The following AUTS2 variants were observed in gnomAD, a reference collection of about 807,000 sequenced individuals.
AUTS2 encodes activator of transcription and developmental regulator AUTS2.
A neutral mutation model predicts 112.4 loss-of-function variants in AUTS2; 17 were observed. The ratio of observed to expected loss-of-function variants is 0.15; its 90% CI spans 0.10 to 0.23. AUTS2 has a LOEUF of 0.23. Among genes scored for constraint, AUTS2 ranks in the 10% least tolerant of loss-of-function variants. AUTS2 has a pLI of 1.00. For synonymous variants in AUTS2, 751 were observed against 702.7 expected, an observed-to-expected ratio of 1.07 and a Z score of -1.09; for missense variants, 1,510 against 1,701.6, an observed-to-expected ratio of 0.89 and a Z score of 1.98.
At chr7:70,053,361 T>C (rs957694721) in intron 2 of AUTS2, among the ~76,000 whole-genome samples, 17 of 152,094 alleles carry the variant, frequency 1.1e-4, no homozygotes, top group African/African-American at 3.6e-4. Context: ...GAATTTTCCA[T>C]CTAAATTTAA....
chr7:70,575,053 G>A (rs542785901), intron 5 of AUTS2, among the ~76,000 whole-genome samples: 8 of 152,286 alleles, frequency 5.3e-5, no homozygotes, highest in Admixed American at 2.0e-4. Context: ...CGTTCCGCTC[G>A]GTTGCATAAC....
intron 2 of AUTS2, among the ~76,000 whole-genome samples, chr7:70,097,420 T>A (rs1804262934): frequency 6.6e-6 from 1 of 152,248 alleles, no homozygotes; most frequent in South Asian, 2.1e-4. Flanking sequence ...CCTCTTGATG[T>A]CTGCATGTGC....
intron 4 of AUTS2, among the ~76,000 whole-genome samples, chr7:70,281,763 C>T (rs1215894377): frequency 6.6e-6 from 1 of 152,164 alleles, no homozygotes; most frequent in Non-Finnish European, 1.5e-5. Flanking sequence ...AAGCAAATAA[C>T]ATATGCTAAG....
chr7:70,101,878 A>G lies in AUTS2; in HGVS notation c.523-16254A>G, dbSNP rs141736794. 2.8e-3 allele frequency among the ~76,000 whole-genome samples: 423 copies of G among 152,292 alleles called. 6 individuals carry two copies. In the Middle Eastern group the frequency reaches 0.034, roughly 12 times the overall value. On this transcript the variant is annotated intron_variant, in intron 2 of 18. Transcript: ENST00000342771. ...CTGCCAGCCATTGCTGTGACAATAT[A>G]GTCTCTTACTCTTTTATCAAATATT...
At chr7:70,644,322 A>C (rs1806028236) in intron 5 of AUTS2, among the ~76,000 whole-genome samples, 1 of 152,184 alleles carries the variant, frequency 6.6e-6, no homozygotes, top group Admixed American at 6.5e-5. Flanking sequence ...GTCAGGGAAG[A>C]CTTGCTATTT....
At chr7:70,290,509 T>C in intron 4 of AUTS2, 1 of 1,540,062 alleles carries the variant, frequency 6.5e-7, no homozygotes, top group Non-Finnish European at 8.8e-7. Flanking sequence ...AGGATTCTAG[T>C]TCCGTTTGGT....
chr7:70,141,719 A>G (rs1806873332), intron 4 of AUTS2, among the ~76,000 whole-genome samples: 1 of 152,106 alleles, frequency 6.6e-6, no homozygotes, highest in Non-Finnish European at 1.5e-5. Context: ...ATATAATTGT[A>G]TTTCCCATGT....
chr7:70,047,091 T>C (rs75538956), intron 2 of AUTS2, among the ~76,000 whole-genome samples: 1,922 of 152,322 alleles, frequency 0.013, 42 homozygotes, highest in African/African-American at 0.043. Context: ...AAGTTTGTTA[T>C]GGTGGAATTG....
At chr7:70,188,603 C>T (rs1255947462) in intron 4 of AUTS2, among the ~76,000 whole-genome samples, 2 of 151,966 alleles carry the variant, frequency 1.3e-5, no homozygotes, top group African/African-American at 2.4e-5. Context: ...GAATATATCA[C>T]GATTTTGGAG....
chr7:70,695,310 G>A (rs1212044555), intron 5 of AUTS2, among the ~76,000 whole-genome samples: 3 of 152,232 alleles, frequency 2.0e-5, no homozygotes, highest in Non-Finnish European at 4.4e-5. Flanking sequence ...GTGCCCGGGA[G>A]GGCCTGGCGT....
chr7:70,476,581 T>G (rs1797592167), intron 5 of AUTS2, among the ~76,000 whole-genome samples: 2 of 152,186 alleles, frequency 1.3e-5, no homozygotes. Context: ...TATGTGTATG[T>G]TTTAATAAGT....
At chr7:69,730,019 T>TTTTTTTTTTTTTTTTTTA (rs10684332) in intron 1 of AUTS2, among the ~76,000 whole-genome samples, 3 of 132,100 alleles carry the variant, frequency 2.3e-5, no homozygotes, top group Non-Finnish European at 3.2e-5. Context: ...TTTTTTTTTT[T>TTTTTTTTTTTTTTTTTTA]AGAAACTAGG....
rs1792062628 is a variant in AUTS2, at chr7:70,792,933, A to T, written c.*1937A>T. On this transcript the variant is annotated 3_prime_UTR_variant, in exon 19 of 19. Coordinates refer to ENST00000342771, the MANE Select transcript of AUTS2 (RefSeq NM_015570.4). Reference sequence around the variant, plus strand: ...ACCTTAGGGAAGAAGCCATACCTGTACAAGACCGGGCTCTTGAAAAGAAAC... The same window carrying T: ...ACCTTAGGGAAGAAGCCATACCTGTTCAAGACCGGGCTCTTGAAAAGAAAC... 1 of 152,598 alleles carries T rather than the reference A, an allele frequency of 6.6e-6. No homozygotes were observed. The highest frequency in any genetic ancestry group is 2.1e-4 in the South Asian group (1 of 4,828). 9.5% of individuals were successfully genotyped at this position (152,598 alleles called of 1,614,324 possible).
chr7:70,042,497 T>G (rs1162647396), intron 2 of AUTS2, among the ~76,000 whole-genome samples: 1 of 152,174 alleles, frequency 6.6e-6, no homozygotes, highest in Admixed American at 6.6e-5. Flanking sequence ...ATTTTAAATG[T>G]GTAAAAAAAT....
intron 2 of AUTS2, among the ~76,000 whole-genome samples, chr7:70,090,260 C>A (rs1202208019): frequency 1.3e-5 from 2 of 151,910 alleles, no homozygotes; most frequent in Non-Finnish European, 2.9e-5. Flanking sequence ...TTTCAACTCT[C>A]TTGTTGTCAC....
intron 1 of AUTS2, among the ~76,000 whole-genome samples, chr7:69,746,917 G>A (rs1787521032): frequency 6.6e-6 from 1 of 152,192 alleles, no homozygotes. Flanking sequence ...TGTGGACCTT[G>A]GATGCTGCCT....
intron 1 of AUTS2, among the ~76,000 whole-genome samples, chr7:69,865,106 T>G (rs1432857051): frequency 6.6e-6 from 1 of 151,504 alleles, no homozygotes; most frequent in Non-Finnish European, 1.5e-5. Context: ...ATGGTAGGTT[T>G]TTTTTTTTTT....
chr7:69,720,658 A>G (rs1798881314), intron 1 of AUTS2, among the ~76,000 whole-genome samples: 6 of 152,340 alleles, frequency 3.9e-5, no homozygotes, highest in Admixed American at 3.9e-4. Flanking sequence ...AGGGGCACAT[A>G]ACAGTTAAGC....
chr7:70,079,619 T>C (rs553588798), intron 2 of AUTS2, among the ~76,000 whole-genome samples: 1 of 152,312 alleles, frequency 6.6e-6, no homozygotes, highest in East Asian at 1.9e-4. Flanking sequence ...CTAATATCCA[T>C]GACCTTGAGG....
Sources: gnomAD v4.1 joint callset for allele counts (sites outside exome capture counted in the v4.1 genomes callset) on GRCh38, gnomAD v4.1.1 for gene constraint, MANE v1.5 for transcripts, NCBI Gene and HGNC (gene_info 2026-07-23, HGNC 2026-07-21) for gene names.